CSMD3: variants seen among roughly 807,000 people sequenced by gnomAD.
CSMD3 encodes the protein CUB and sushi domain-containing protein 3.
CSMD3 carries 177 observed loss-of-function variants against 435.2 expected under a neutral mutation model. That is an observed-to-expected ratio of 0.41 (90% CI 0.36 to 0.46). The LOEUF (loss-of-function observed/expected upper bound fraction) is 0.46, where lower values mean the gene tolerates loss of function less well. Ranked by LOEUF, CSMD3 falls within the 20% of genes least tolerant of loss-of-function variation. The pLI is 0.34. For missense variants in CSMD3, 4,265 were observed against 4,504.6 expected, an observed-to-expected ratio of 0.95 and a Z score of 1.52; for synonymous variants, 1,656 against 1,520.5, an observed-to-expected ratio of 1.09 and a Z score of -2.07.
intron 25 of CSMD3, among the ~76,000 whole-genome samples, chr8:112,556,295 A>T (rs1828111794): frequency 6.6e-6 from 1 of 151,830 alleles, no homozygotes; most frequent in Non-Finnish European, 1.5e-5. Flanking sequence ...ATCTTATGTC[A>T]CTCTCACATT....
intron 1 of CSMD3, among the ~76,000 whole-genome samples, chr8:113,393,040 T>C (rs561795028): frequency 6.6e-6 from 1 of 152,006 alleles, no homozygotes; most frequent in South Asian, 2.1e-4. Flanking sequence ...ACCATGTATG[T>C]TTGTATATTT....
intron 35 of CSMD3, among the ~76,000 whole-genome samples, chr8:112,402,090 C>T (rs1017890327): frequency 6.6e-6 from 1 of 152,144 alleles, no homozygotes; most frequent in Non-Finnish European, 1.5e-5. Flanking sequence ...TTATTAGGTT[C>T]CAAGAACTAA....
chr8:112,432,980 AC>A (rs1349665599), intron 32 of CSMD3, among the ~76,000 whole-genome samples: 2 of 152,094 alleles, frequency 1.3e-5, no homozygotes, highest in African/African-American at 4.8e-5. Flanking sequence ...CCAAACAGTT[AC>A]AACTTAATTC....
chr8:113,246,124 G>T (rs890279879), intron 3 of CSMD3, among the ~76,000 whole-genome samples: 1 of 151,798 alleles, frequency 6.6e-6, no homozygotes, highest in South Asian at 2.1e-4. Context: ...ATTCTTAATA[G>T]AATTCAGAAA....
chr8:112,649,847 A>G (rs558071033), intron 19 of CSMD3, among the ~76,000 whole-genome samples: 1 of 152,090 alleles, frequency 6.6e-6, no homozygotes, highest in Non-Finnish European at 1.5e-5. Context: ...TTCTCATACA[A>G]ATTTGGCATT....
intron 3 of CSMD3, among the ~76,000 whole-genome samples, chr8:113,177,438 A>T (rs952983847): frequency 6.6e-6 from 1 of 152,036 alleles, no homozygotes; most frequent in African/African-American, 2.4e-5. Flanking sequence ...GACTTCAGTT[A>T]TCTTCTTTTA....
chr8:113,069,122 C>T (rs1290028194), intron 5 of CSMD3, among the ~76,000 whole-genome samples: 1 of 152,078 alleles, frequency 6.6e-6, no homozygotes, highest in Non-Finnish European at 1.5e-5. Context: ...AAAAAAACCA[C>T]ACAAATGTTA....
At chr8:112,986,439 C>T (rs2085256743) in intron 6 of CSMD3, among the ~76,000 whole-genome samples, 1 of 152,004 alleles carries the variant, frequency 6.6e-6, no homozygotes, top group African/African-American at 2.4e-5. Flanking sequence ...GATGACATCA[C>T]AAGGACATCT....
At chr8:112,698,885 C>T (rs112005981) in intron 13 of CSMD3, among the ~76,000 whole-genome samples, 13 of 152,140 alleles carry the variant, frequency 8.5e-5, no homozygotes, top group East Asian at 3.9e-4. Flanking sequence ...CTGTGTGTCT[C>T]GCTAAAGGTT....
At chr8:113,335,455 A>G (rs1031592439) in intron 1 of CSMD3, among the ~76,000 whole-genome samples, 3 of 119,170 alleles carry the variant, frequency 2.5e-5, no homozygotes, top group Non-Finnish European at 5.4e-5. Context: ...TATTTTCTCT[A>G]TTTTGTTGTT....
intron 6 of CSMD3, among the ~76,000 whole-genome samples, chr8:112,979,938 T>C (rs1484552156): frequency 6.6e-6 from 1 of 151,220 alleles, no homozygotes; most frequent in East Asian, 1.9e-4. Context: ...ATGATTTACA[T>C]ATATAAACAT....
At chr8:113,169,342 A>C (rs906357782) in intron 4 of CSMD3, among the ~76,000 whole-genome samples, 1 of 152,134 alleles carries the variant, frequency 6.6e-6, no homozygotes, top group African/African-American at 2.4e-5. Flanking sequence ...AATTTACCAT[A>C]CAACATCTAC....
At chr8:112,663,896 G>A (rs977585129) in intron 17 of CSMD3, among the ~76,000 whole-genome samples, 2 of 152,224 alleles carry the variant, frequency 1.3e-5, no homozygotes, top group Admixed American at 6.5e-5. Flanking sequence ...GGTTGATTCT[G>A]GAGACAGAAT....
At chr8:113,035,876 T>G (rs2087327189) in intron 5 of CSMD3, among the ~76,000 whole-genome samples, 1 of 151,952 alleles carries the variant, frequency 6.6e-6, no homozygotes, top group African/African-American at 2.4e-5. Context: ...ACATGCAAAC[T>G]ATAAATATTC....
At chr8:112,296,563 A>T (rs1400214446) in intron 53 of CSMD3, among the ~76,000 whole-genome samples, 1 of 151,694 alleles carries the variant, frequency 6.6e-6, no homozygotes, top group Non-Finnish European at 1.5e-5. Context: ...AAAAAAATAA[A>T]TAAATAAATA....
intron 27 of CSMD3, among the ~76,000 whole-genome samples, chr8:112,550,341 A>T (rs918082123): frequency 3.3e-5 from 5 of 151,904 alleles, no homozygotes; most frequent in Admixed American, 2.6e-4. Flanking sequence ...AAAACTTCAT[A>T]TTTTAAAACT....
intron 1 of CSMD3, among the ~76,000 whole-genome samples, chr8:113,393,516 T>C (rs1487815767): frequency 6.6e-6 from 1 of 152,056 alleles, no homozygotes; most frequent in Non-Finnish European, 1.5e-5. Flanking sequence ...TCCACTTCAA[T>C]ACAGTGGAAA....
intron 3 of CSMD3, among the ~76,000 whole-genome samples, chr8:113,227,145 C>CA (rs575287678): frequency 6.6e-6 from 1 of 151,130 alleles, no homozygotes; most frequent in South Asian, 2.1e-4. Context: ...ATTCATTTAT[C>CA]AAAAAATGGA....
intron 8 of CSMD3, among the ~76,000 whole-genome samples, chr8:112,950,623 TCTCA>T (rs1188070655): frequency 6.6e-6 from 1 of 151,992 alleles, no homozygotes; most frequent in Non-Finnish European, 1.5e-5. Flanking sequence ...CCCATTTAGT[TCTCA>T]CAACCATCTT....
Sources: allele counts gnomAD v4.1 joint callset (sites outside exome capture counted in the v4.1 genomes callset), GRCh38; gene constraint gnomAD v4.1.1; transcripts MANE v1.5; gene names NCBI Gene and HGNC (gene_info 2026-07-23, HGNC 2026-07-21).